Variants in MYH10 observed in about 807,000 individuals in gnomAD.
The protein encoded by MYH10 is myosin heavy chain 10.
A neutral mutation model predicts 257.8 loss-of-function variants in MYH10; 55 were observed. The observed-to-expected ratio is 0.21, with a 90% CI of 0.17 to 0.27. The LOEUF (loss-of-function observed/expected upper bound fraction) is 0.27. Among genes scored for constraint, MYH10 ranks in the 10% least tolerant of loss-of-function variants. The pLI is 1.00. For synonymous variants in MYH10, 854 were observed against 921.7 expected, an observed-to-expected ratio of 0.93 and a Z score of 1.33; for missense variants, 1,631 against 2,500.6, an observed-to-expected ratio of 0.65 and a Z score of 7.42.
rs560843007 is a variant in MYH10, at chr17:8,478,421, C to A, written c.5623G>T (p.Val1875Phe). The A allele has an allele frequency of 1.2e-6, 2 of 1,614,242 alleles. No individual in the cohort carries two copies. The highest frequency in any genetic ancestry group is 1.7e-6 in the Non-Finnish European group (2 of 1,180,046). The change falls in exon 41 of 43, where the codon GTC becomes TTC. Residue 1875 changes from valine (V) to phenylalanine (F), a missense_variant. Physicochemically the swap from Val to Phe is conservative, Grantham distance 50. This residue lies in a region of MYH10 where 343 missense variants were observed against 389.5 expected (regional missense o/e 0.88). Coordinates refer to ENST00000360416, the MANE Select transcript of MYH10 (RefSeq NM_001256012.3). ...TTCAGCTTCTTCTCAGTGCGACGGA[C>A]TAATTTGTTGGCGGCTGCTCGTTCC... ...AKERAAANKL[V>F]RRTEKKLKEI...
chr17:8,549,582 G>A (rs1180330506), intron 9 of MYH10, among the ~76,000 whole-genome samples: 3 of 152,216 alleles, frequency 2.0e-5, no homozygotes, highest in African/African-American at 7.2e-5. Flanking sequence ...GAGAATTTCT[G>A]CAGGTCACCC....
chr17:8,489,739 A>ACACACACACACACACACACACACC (rs1401430644), intron 35 of MYH10, among the ~76,000 whole-genome samples: 11 of 151,260 alleles, frequency 7.3e-5, no homozygotes, highest in African/African-American at 2.7e-4. Flanking sequence ...ACACACACAC[A>ACACACACACACACACACACACACC]CACACACCCC....
At chr17:8,610,307 G>A (rs1027599171) in intron 2 of MYH10, among the ~76,000 whole-genome samples, 63 of 113,010 alleles carry the variant, frequency 5.6e-4, no homozygotes, top group African/African-American at 1.7e-3. Context: ...TGGGGGAAGC[G>A]GCCGGGCATG....
intron 7 of MYH10, among the ~76,000 whole-genome samples, chr17:8,568,850 TTCTCAGGTGAAC>T (rs2083245685): frequency 6.6e-6 from 1 of 151,884 alleles, no homozygotes; most frequent in Admixed American, 6.6e-5. Context: ...TAGGATAACA[TTCTCAGGTGAAC>T]AGGTACAGCT....
intron 26 of MYH10, among the ~76,000 whole-genome samples, chr17:8,507,809 TA>T (rs1166834212): frequency 2.6e-5 from 4 of 152,020 alleles, no homozygotes; most frequent in Non-Finnish European, 5.9e-5. Flanking sequence ...CCATCTCTAC[TA>T]AAAATACAAA....
intron 7 of MYH10, among the ~76,000 whole-genome samples, chr17:8,558,720 A>G (rs1345872702): frequency 6.6e-6 from 1 of 152,254 alleles, no homozygotes; most frequent in Non-Finnish European, 1.5e-5. Flanking sequence ...CAATAGTTGA[A>G]TATACAAAAT....
intron 17 of MYH10, among the ~76,000 whole-genome samples, chr17:8,528,413 G>A (rs2081917098): frequency 6.6e-6 from 1 of 152,010 alleles, no homozygotes; most frequent in South Asian, 2.1e-4. Flanking sequence ...AAATATACTT[G>A]GAAGAAAACA....
intron 17 of MYH10, among the ~76,000 whole-genome samples, chr17:8,526,135 A>C (rs1196044332): frequency 6.6e-6 from 1 of 152,230 alleles, no homozygotes; most frequent in African/African-American, 2.4e-5. Context: ...TTCCACCAAC[A>C]AAATCATCTT....
chr17:8,585,306 A>ATATATATATATATATATATATG (rs1555610517), intron 4 of MYH10, among the ~76,000 whole-genome samples: 1 of 141,012 alleles, frequency 7.1e-6, no homozygotes, highest in Non-Finnish European at 1.5e-5. Context: ...ATATATATAT[A>ATATATATATATATATATATATG]GCTACATATG....
At chr17:8,502,355 G>T (rs1032039666) in intron 28 of MYH10, among the ~76,000 whole-genome samples, 4 of 152,154 alleles carry the variant, frequency 2.6e-5, no homozygotes, top group African/African-American at 9.7e-5. Flanking sequence ...AGTTCCACTG[G>T]CTCAGCCAGA....
chr17:8,524,128 A>C (rs145473912), intron 17 of MYH10, among the ~76,000 whole-genome samples: 5 of 152,202 alleles, frequency 3.3e-5, no homozygotes, highest in Non-Finnish European at 7.4e-5. Context: ...CAAGGAGCTC[A>C]GCAGAGGAGG....
chr17:8,527,563 A>T (rs1360193907), intron 17 of MYH10, among the ~76,000 whole-genome samples: 1 of 152,162 alleles, frequency 6.6e-6, no homozygotes, highest in African/African-American at 2.4e-5. Flanking sequence ...GCGATACTAG[A>T]CTTATGTTAA....
At position 8,551,427 on chromosome 17, in the gene MYH10, A is replaced by G. The variant is rs531834701; in HGVS notation, c.919+619T>C. ...TTTTACTGTATATGTGTCTACTTTG[A>G]TATCTAGATAATATATATAATAATC... On this transcript the variant is annotated intron_variant, in intron 9 of 42. Coordinates refer to ENST00000360416, the MANE Select transcript of MYH10 (RefSeq NM_001256012.3). 3.7e-3 allele frequency among the ~76,000 whole-genome samples: 560 copies of G among 152,286 alleles called. 8 individuals carry two copies. The highest frequency in any genetic ancestry group is 0.012 in the African/African-American group (518 of 41,562).
At chr17:8,623,323 AG>A (rs929923062) in intron 1 of MYH10, 46 bp from the exon 2 acceptor site, 1 of 1,477,484 alleles carries the variant, frequency 6.8e-7, no homozygotes, top group Non-Finnish European at 8.9e-7. Flanking sequence ...AAGAAACAAA[AG>A]AATGTACACG....
At chr17:8,483,610 G>A (rs1914241450) in intron 37 of MYH10, among the ~76,000 whole-genome samples, 1 of 152,220 alleles carries the variant, frequency 6.6e-6, no homozygotes, top group African/African-American at 2.4e-5. Context: ...ATACGGTAAT[G>A]TGTATATTTA....
chr17:8,622,510 C>G lies in MYH10; in HGVS notation c.345+392G>C, dbSNP rs181608061. ...ACAGAAATTTCTCAGCTTACAGCCC[C>G]TCCACTTTACTCTTGGGTATGCACT... On this transcript the variant is annotated intron_variant, in intron 2 of 42. Transcript: ENST00000360416. Among the ~76,000 whole-genome samples the G allele has an allele frequency of 8.9e-4, 135 of 152,342 alleles. 1 individual carries two copies. The highest frequency in any genetic ancestry group is 3.1e-3 in the African/African-American group (127 of 41,580).
At position 8,566,789 on chromosome 17, in the gene MYH10, T is replaced by C. The variant is rs138134052; in HGVS notation, c.756+2931A>G. The stretch of plus-strand genomic sequence containing the variant: ...GATAACTAATATAGAATTATATCTG[T>C]CCAAACACTAAAATAATGAGTTGAA... On this transcript the variant is annotated intron_variant, in intron 7 of 42. Transcript: ENST00000360416. 4.6e-3 allele frequency among the ~76,000 whole-genome samples: 708 copies of C among 152,334 alleles called. 11 individuals are homozygous for C. Among genetic ancestry groups the C allele is most frequent in the African/African-American group, 0.016 (659 of 41,564 alleles).
intron 7 of MYH10, among the ~76,000 whole-genome samples, chr17:8,563,250 C>T (rs186322066): frequency 1.3e-5 from 2 of 152,296 alleles, no homozygotes; most frequent in East Asian, 3.9e-4. Flanking sequence ...CAAACCAAAC[C>T]AGAAGCTTTG....
intron 37 of MYH10, among the ~76,000 whole-genome samples, chr17:8,483,593 A>G (rs1455649445): frequency 6.6e-6 from 1 of 152,282 alleles, no homozygotes; most frequent in African/African-American, 2.4e-5. Context: ...TTGATTATCC[A>G]TCATTTATAC....
Sources: allele counts gnomAD v4.1 joint callset (sites outside exome capture counted in the v4.1 genomes callset), GRCh38; gene constraint gnomAD v4.1.1; regional missense constraint gnomAD v4.1.1; transcripts MANE v1.5; gene names NCBI Gene and HGNC (gene_info 2026-07-23, HGNC 2026-07-21).